Variants in TRHDE observed in about 807,000 individuals in gnomAD.
TRHDE encodes the protein thyrotropin releasing hormone degrading enzyme.
Under a neutral mutation model 125.7 loss-of-function variants are expected in TRHDE, and 72 were observed. The observed-to-expected ratio is 0.57, with a 90% CI of 0.47 to 0.70. The LOEUF (loss-of-function observed/expected upper bound fraction) is 0.70, where lower values mean the gene tolerates loss of function less well. TRHDE is among the 30% of genes least tolerant of loss of function. TRHDE has a pLI of 0.00. For synonymous variants in TRHDE, 509 were observed against 509.1 expected, an observed-to-expected ratio of 1.00 and a Z score of 0.00; for missense variants, 1,110 against 1,327.1, an observed-to-expected ratio of 0.84 and a Z score of 2.54.
At chr12:72,325,581 C>T (rs190692739) in intron 2 of TRHDE, among the ~76,000 whole-genome samples, 15 of 152,150 alleles carry the variant, frequency 9.9e-5, no homozygotes, top group African/African-American at 3.6e-4. Flanking sequence ...TAGTATTTTC[C>T]TTTTGTCAGA....
chr12:72,462,847 C>T (rs1311626460), intron 3 of TRHDE, among the ~76,000 whole-genome samples: 1 of 152,144 alleles, frequency 6.6e-6, no homozygotes, highest in Non-Finnish European at 1.5e-5. Flanking sequence ...ACCTGCACTC[C>T]CCAACCCCTC....
chr12:72,486,144 G>A (rs1490890440), intron 5 of TRHDE, among the ~76,000 whole-genome samples: 1 of 152,110 alleles, frequency 6.6e-6, no homozygotes, highest in Non-Finnish European at 1.5e-5. Context: ...TGGACCCTTA[G>A]GATCAAAACT....
At chr12:72,129,784 A>G (rs1444715990) in intron 2 of TRHDE, among the ~76,000 whole-genome samples, 1 of 152,244 alleles carries the variant, frequency 6.6e-6, no homozygotes, top group Non-Finnish European at 1.5e-5. Context: ...AGAGGTCAGT[A>G]AGATTGTTGA....
chr12:72,505,642 T>G (rs577773225), intron 6 of TRHDE, among the ~76,000 whole-genome samples: 2 of 152,278 alleles, frequency 1.3e-5, no homozygotes, highest in Admixed American at 1.3e-4. Flanking sequence ...CAAAATTACA[T>G]AGAATAAAAG....
intron 3 of TRHDE, among the ~76,000 whole-genome samples, chr12:72,402,282 CA>C (rs58673485): frequency 6.0e-5 from 9 of 148,974 alleles, no homozygotes; most frequent in East Asian, 2.0e-4. Flanking sequence ...AAAAAAACCG[CA>C]AAAAAAAAAT....
intron 2 of TRHDE, among the ~76,000 whole-genome samples, chr12:72,234,366 TTTC>T (rs756235179): frequency 3.9e-5 from 6 of 152,178 alleles, no homozygotes; most frequent in Non-Finnish European, 8.8e-5. Context: ...ATTCTTTTTA[TTTC>T]TTTTCTCAGT....
chr12:72,338,411 G>A (rs1421842551), intron 2 of TRHDE, among the ~76,000 whole-genome samples: 1 of 152,180 alleles, frequency 6.6e-6, no homozygotes, highest in Non-Finnish European at 1.5e-5. Flanking sequence ...TGAAGAAATA[G>A]CTAAATTGAC....
intron 2 of TRHDE, among the ~76,000 whole-genome samples, chr12:72,345,298 A>G (rs1440224297): frequency 6.6e-6 from 1 of 152,092 alleles, no homozygotes; most frequent in Non-Finnish European, 1.5e-5. Context: ...CCTGACTTAC[A>G]GTATTTGCTG....
chr12:72,627,847 ATTTT>A (rs71071845), intron 15 of TRHDE, among the ~76,000 whole-genome samples: 1 of 143,784 alleles, frequency 7.0e-6, no homozygotes, highest in Non-Finnish European at 1.5e-5. Context: ...CACCTGGCTA[ATTTT>A]TTTTTTTTTT....
At chr12:72,156,550 TTAAA>T (rs1876517301) in intron 2 of TRHDE, among the ~76,000 whole-genome samples, 1 of 152,132 alleles carries the variant, frequency 6.6e-6, no homozygotes, top group Non-Finnish European at 1.5e-5. Context: ...CCCATGAGTC[TTAAA>T]TAGATTGAGT....
intron 5 of TRHDE, among the ~76,000 whole-genome samples, chr12:72,476,646 T>C (rs1371282103): frequency 6.6e-6 from 1 of 152,198 alleles, no homozygotes; most frequent in Non-Finnish European, 1.5e-5. Flanking sequence ...TGACCTCTTT[T>C]GCCATTAATC....
intron 12 of TRHDE, among the ~76,000 whole-genome samples, chr12:72,577,157 C>T (rs1462231935): frequency 1.3e-5 from 2 of 152,128 alleles, no homozygotes; most frequent in South Asian, 4.1e-4. Flanking sequence ...TGATAATGTA[C>T]TGAAAGAGAA....
intron 3 of TRHDE, among the ~76,000 whole-genome samples, chr12:72,394,163 T>G (rs567546062): frequency 2.6e-5 from 4 of 152,332 alleles, no homozygotes; most frequent in South Asian, 2.1e-4. Context: ...GTTTGTTAAG[T>G]CACCAGAGTC....
intron 15 of TRHDE, among the ~76,000 whole-genome samples, chr12:72,623,444 T>A (rs1336678765): frequency 2.0e-5 from 3 of 152,078 alleles, no homozygotes; most frequent in African/African-American, 7.2e-5. Context: ...CTAATATCAC[T>A]GTCTAAATTT....
At chr12:72,326,803 C>T (rs1869361560) in intron 2 of TRHDE, among the ~76,000 whole-genome samples, 1 of 152,118 alleles carries the variant, frequency 6.6e-6, no homozygotes, top group Non-Finnish European at 1.5e-5. Flanking sequence ...CAATCCTTCA[C>T]ATTGAACAAA....
At chr12:72,297,994 C>A (rs1399434318) in intron 2 of TRHDE, among the ~76,000 whole-genome samples, 1 of 152,064 alleles carries the variant, frequency 6.6e-6, no homozygotes, top group Non-Finnish European at 1.5e-5. Context: ...TGGAGTAAGC[C>A]TCAGCAAATC....
chr12:72,134,065 T>C (rs1875925410), intron 2 of TRHDE, among the ~76,000 whole-genome samples: 1 of 152,226 alleles, frequency 6.6e-6, no homozygotes, highest in African/African-American at 2.4e-5. Context: ...AACATTAATA[T>C]CTTATGATGG....
chr12:72,519,262 C>T (rs140775798), intron 6 of TRHDE, among the ~76,000 whole-genome samples: 47 of 152,290 alleles, frequency 3.1e-4, no homozygotes, highest in Non-Finnish European at 5.4e-4. Flanking sequence ...GTTCCATTCT[C>T]CCCGTCACTT....
chr12:72,171,191 A>G (rs1566264052), intron 2 of TRHDE, among the ~76,000 whole-genome samples: 1 of 152,114 alleles, frequency 6.6e-6, no homozygotes, highest in African/African-American at 2.4e-5. Context: ...TCTCCTCAAA[A>G]GGAAAATTAG....
Sources: allele counts gnomAD v4.1 joint callset (sites outside exome capture counted in the v4.1 genomes callset), GRCh38; gene constraint gnomAD v4.1.1; transcripts MANE v1.5; gene names NCBI Gene and HGNC (gene_info 2026-07-23, HGNC 2026-07-21).